The following DUS4L variants were observed in gnomAD, a reference collection of about 807,000 sequenced individuals.
The protein encoded by DUS4L is dihydrouridine synthase 4 like.
In DUS4L, 31 loss-of-function variants were observed where a neutral mutation model predicts 33.8. The ratio of observed to expected loss-of-function variants is 0.92; its 90% CI spans 0.69 to 1.24. The LOEUF (loss-of-function observed/expected upper bound fraction) is 1.24, where lower values mean the gene tolerates loss of function less well. Ranked by LOEUF, DUS4L falls within the 50% of genes most tolerant of loss-of-function variation. The pLI is 0.00. For missense variants in DUS4L, 368 were observed against 388.6 expected (o/e 0.95, Z 0.45); for synonymous variants, 103 against 120.3 (o/e 0.86, Z 0.94).
chr7:107,576,431 G>A lies in DUS4L; in HGVS notation c.545G>A (p.Trp182Ter). The A allele has an allele frequency of 6.2e-7, 1 of 1,612,484 alleles. No individual in the cohort carries two copies. Among genetic ancestry groups the A allele is most frequent in the Non-Finnish European group, 8.5e-7 (1 of 1,179,706 alleles). ...CQKAEATGVS[W>*]ITVHGRTAEE... ...AAGGCTGAAGCAACAGGAGTTTCAT[G>A]GATTACAGTCCATGGAAGAACTGCT... Residue 182 changes from tryptophan (W) to a stop codon, truncating the protein, a stop_gained, in exon 7 of 8, where the codon TGG becomes TAG. Transcript: ENST00000265720. LOFTEE classifies it high-confidence loss of function.
At chr7:107,576,651 G>A in intron 7 of DUS4L, 59 bp downstream of exon 7, 2 of 1,373,918 alleles carry the variant, frequency 1.5e-6, no homozygotes, top group East Asian at 4.8e-5. Context: ...GAGTGGGGAA[G>A]TAATGTTAAT....
At position 107,577,809 on chromosome 7, in the gene DUS4L, A is replaced by C. The variant is rs1377852004; in HGVS notation, c.*249A>C. The C allele has an allele frequency of 2.9e-6, 1 of 344,318 alleles. No homozygotes were observed. The highest frequency in any genetic ancestry group is 5.3e-6 in the Non-Finnish European group (1 of 187,296). 21.3% of individuals were successfully genotyped at this position (344,318 alleles called of 1,614,324 possible). On this transcript the variant is annotated 3_prime_UTR_variant, in exon 8 of 8. Coordinates refer to ENST00000265720, the MANE Select transcript of DUS4L (RefSeq NM_181581.3). ...CAAACATCCTGATCATCCTAGGCAAACATTGACAAATACTGCTCTGAATCC... is the reference window on the plus strand; with the variant it reads ...CAAACATCCTGATCATCCTAGGCAACCATTGACAAATACTGCTCTGAATCC...
intron 2 of DUS4L, among the ~76,000 whole-genome samples, chr7:107,564,929 T>G (rs529788240): frequency 6.6e-6 from 1 of 152,358 alleles, no homozygotes; most frequent in African/African-American, 2.4e-5. Flanking sequence ...AAGGTGCTAT[T>G]ACTTATCCTG....
intron 3 of DUS4L, 167 bp from the exon 4 acceptor site, chr7:107,570,978 A>T: frequency 1.2e-6 from 1 of 859,574 alleles, no homozygotes; most frequent in Non-Finnish European, 1.7e-6. Context: ...TGTTTGTTTT[A>T]TATATAATAT....
intron 3 of DUS4L, chr7:107,567,703 A>T: frequency 2.3e-6 from 1 of 437,702 alleles, no homozygotes; most frequent in Non-Finnish European, 4.6e-6. Context: ...CAGCAGTGTT[A>T]ATTACATTCA....
At chr7:107,566,402 C>G (rs1489657960) in intron 2 of DUS4L, among the ~76,000 whole-genome samples, 1 of 152,162 alleles carries the variant, frequency 6.6e-6, no homozygotes, top group African/African-American at 2.4e-5. Flanking sequence ...CATTTACAAA[C>G]TCCATAATTT....
At chr7:107,576,248 T>G in intron 6 of DUS4L, 118 bp from the exon 7 acceptor site, 1 of 985,148 alleles carries the variant, frequency 1.0e-6, no homozygotes. Context: ...TGACATAGAG[T>G]AATAATATGA....
Position 107,564,008 on chromosome 7 carries a change from C to A in DUS4L, c.-312C>A, listed in dbSNP as rs1254684131. 1 of 1,516,748 alleles carries A rather than the reference C, an allele frequency of 6.6e-7. No homozygotes were observed. The highest frequency in any genetic ancestry group is 8.9e-7 in the Non-Finnish European group (1 of 1,126,464). The allele number at this position is 1,516,748 out of a possible 1,614,324, so 94.0% of individuals were successfully genotyped here. ...AGCCCATGGCTCCAGGCCCACCTGG[C>A]GAACTGACTCTCAGCCCGCGCCTGG... is the stretch of plus-strand genomic sequence containing the variant. On this transcript the variant is annotated 5_prime_UTR_variant, in exon 1 of 8. Coordinates refer to ENST00000265720, the MANE Select transcript of DUS4L (RefSeq NM_181581.3).
At chr7:107,576,938 A>T in intron 7 of DUS4L, 1 of 289,768 alleles carries the variant, frequency 3.5e-6, no homozygotes, top group Non-Finnish European at 6.4e-6. Flanking sequence ...ACTGCTATGC[A>T]GTTTCATTAT....
chr7:107,569,059 G>A (rs544168937), intron 3 of DUS4L, among the ~76,000 whole-genome samples: 1 of 152,264 alleles, frequency 6.6e-6, no homozygotes, highest in East Asian at 1.9e-4. Context: ...ACAAAAATTA[G>A]TCAGCGTGGT....
At chr7:107,564,277 C>T (rs1017258465) in intron 1 of DUS4L, 68 bp downstream of exon 1, 21 of 503,862 alleles carry the variant, frequency 4.2e-5, no homozygotes, top group South Asian at 6.8e-5. Flanking sequence ...ACAGGGGCCG[C>T]GCGGCGTAAG....
intron 3 of DUS4L, 41 bp from the exon 4 acceptor site, chr7:107,571,104 G>A (rs1805189808): frequency 6.2e-7 from 1 of 1,610,816 alleles, no homozygotes; most frequent in Non-Finnish European, 8.5e-7. Flanking sequence ...ATATGTTTGT[G>A]GTGTTTCTAA....
intron 4 of DUS4L, 95 bp from the exon 5 acceptor site, chr7:107,573,609 T>C (rs979418462): frequency 1.7e-6 from 2 of 1,207,240 alleles, no homozygotes; most frequent in Non-Finnish European, 2.2e-6. Context: ...AAAATCGTTA[T>C]TGCTATTTTA....
intron 7 of DUS4L, 28 bp downstream of exon 7, chr7:107,576,620 A>G: frequency 6.9e-7 from 1 of 1,447,474 alleles, no homozygotes; most frequent in Non-Finnish European, 9.0e-7. Flanking sequence ...GGGTTCTTTT[A>G]ATTGGGGGGG....
chr7:107,575,524 G>A (rs1805647331), intron 6 of DUS4L: 1 of 379,838 alleles, frequency 2.6e-6, no homozygotes, highest in South Asian at 6.0e-5. Flanking sequence ...TTTAACAAAA[G>A]TTAAAGCCTC....
At chr7:107,566,498 A>G (rs1804716359) in intron 2 of DUS4L, among the ~76,000 whole-genome samples, 2 of 152,222 alleles carry the variant, frequency 1.3e-5, no homozygotes, top group African/African-American at 4.8e-5. Flanking sequence ...ACTAGATAAT[A>G]TCACATTAAA....
At position 107,578,142 on chromosome 7, in the gene DUS4L, T is replaced by A. The variant is rs1805931987; in HGVS notation, c.*582T>A. 1 of 152,184 alleles carries A rather than the reference T, an allele frequency of 6.6e-6. No homozygotes were observed. The highest frequency in any genetic ancestry group is 1.5e-5 in the Non-Finnish European group (1 of 68,024). The allele number at this position is 152,184 out of a possible 1,614,324, so 9.4% of individuals were successfully genotyped here. Reference sequence around the variant, plus strand: ...AAAGATTGAAAGCTTAATAATCTCCTACCTAAAAAGATAAAATTAATTGCA... The same window carrying A: ...AAAGATTGAAAGCTTAATAATCTCCAACCTAAAAAGATAAAATTAATTGCA... On this transcript the variant is annotated 3_prime_UTR_variant, in exon 8 of 8. Transcript: ENST00000265720.
Position 107,567,130 on chromosome 7 carries a change from A to T in DUS4L, c.60A>T (p.Glu20Asp). ...AGGAAAGAAAAAAAGATCCCATAGA[A>T]ATGTTTCATTCTGGACAGCTGGTAA... ...ICQERKKDPI[E>D]MFHSGQLVKV... Residue 20 changes from glutamate to aspartate, a missense_variant, in exon 3 of 8, where the codon GAA (glutamate) becomes GAT (aspartate). Coordinates refer to ENST00000265720, the MANE Select transcript of DUS4L (RefSeq NM_181581.3). The T allele has an allele frequency of 1.2e-6, 2 of 1,613,734 alleles. No homozygotes were observed. Among genetic ancestry groups the T allele is most frequent in the Non-Finnish European group, 1.7e-6 (2 of 1,179,768 alleles).
Position 107,567,087 on chromosome 7 carries a change from T to G in DUS4L, c.17T>G (p.Met6Arg), listed in dbSNP as rs1804779671. 1.2e-6 allele frequency: 2 copies of G among 1,613,446 alleles called. No individual in the cohort carries two copies. The highest frequency in any genetic ancestry group is 4.5e-5 in the East Asian group (2 of 44,806). ...TCTGTATTAATGAAGAGTGACTGCA[T>G]GCAAACGACAATATGTCAGGAAAGA... MKSDC[M>R]QTTICQERKK... Residue 6 changes from methionine (M) to arginine (R), a missense_variant, in exon 3 of 8, where the codon ATG (methionine) becomes AGG (arginine). Met to Arg is a moderately conservative substitution (Grantham distance 91). Coordinates refer to ENST00000265720, the MANE Select transcript of DUS4L (RefSeq NM_181581.3).
Sources: allele counts gnomAD v4.1 joint callset (sites outside exome capture counted in the v4.1 genomes callset), GRCh38; gene constraint gnomAD v4.1.1; transcripts MANE v1.5; gene names NCBI Gene and HGNC (gene_info 2026-07-23, HGNC 2026-07-21).